The following KCNH1 variants were observed in gnomAD, a reference collection of about 807,000 sequenced individuals.
The protein encoded by KCNH1 is voltage-gated delayed rectifier potassium channel KCNH1.
A neutral mutation model predicts 69.2 loss-of-function variants in KCNH1; 27 were observed. The ratio of observed to expected loss-of-function variants is 0.39; its 90% CI spans 0.29 to 0.54. The LOEUF (loss-of-function observed/expected upper bound fraction) is 0.54, where lower values mean the gene tolerates loss of function less well. Among genes scored for constraint, KCNH1 ranks in the 20% least tolerant of loss-of-function variants. The pLI is 0.68. For synonymous variants in KCNH1, 456 were observed against 487.7 expected, an observed-to-expected ratio of 0.93 and a Z score of 0.86; for missense variants, 798 against 1,261.6, an observed-to-expected ratio of 0.63 and a Z score of 5.57.
chr1:210,798,201 A>G (rs6689950), intron 8 of KCNH1, among the ~76,000 whole-genome samples: 65,343 of 151,322 alleles, frequency 0.43, 14,472 homozygotes, highest in African/African-American at 0.51. Flanking sequence ...CACCACACCC[A>G]GCTAATTTTT....
chr1:210,789,149 A>G (rs1449160922), intron 9 of KCNH1, among the ~76,000 whole-genome samples: 2 of 152,176 alleles, frequency 1.3e-5, no homozygotes, highest in Non-Finnish European at 2.9e-5. Flanking sequence ...ATTATATGGC[A>G]AGTGGCAGCA....
At chr1:210,888,850 C>G (rs954060646) in intron 7 of KCNH1, among the ~76,000 whole-genome samples, 3 of 152,102 alleles carry the variant, frequency 2.0e-5, no homozygotes, top group Admixed American at 2.0e-4. Flanking sequence ...AAGACTAAAC[C>G]AGGAAGAAGT....
chr1:210,997,888 C>A (rs560836626), intron 6 of KCNH1, among the ~76,000 whole-genome samples: 25 of 152,220 alleles, frequency 1.6e-4, no homozygotes, highest in South Asian at 1.0e-3. Context: ...ATTTTCAGCG[C>A]AGAATTTCAT....
chr1:210,827,138 C>T (rs889778673), intron 7 of KCNH1, among the ~76,000 whole-genome samples: 1 of 152,146 alleles, frequency 6.6e-6, no homozygotes, highest in African/African-American at 2.4e-5. Flanking sequence ...GAGTTTCAGA[C>T]CATCCTGACC....
Position 210,953,050 on chromosome 1 carries a change from A to T in KCNH1, c.1033-32981T>A, listed in dbSNP as rs1208180534. 2.0e-5 allele frequency among the ~76,000 whole-genome samples: 3 copies of T among 152,260 alleles called. No individual in the cohort carries two copies. In the East Asian group the frequency reaches 5.8e-4, roughly 29 times the overall value. On this transcript the variant is annotated intron_variant, in intron 6 of 10. Coordinates refer to ENST00000271751, the MANE Select transcript of KCNH1 (RefSeq NM_172362.3). ...CAAAAGGTACCCCAGCTTTTATTTG[A>T]CCCAGATAATCAAAGCTATCAAATA...
chr1:210,774,587 T>G (rs142360611), intron 10 of KCNH1, among the ~76,000 whole-genome samples: 73 of 152,278 alleles, frequency 4.8e-4, no homozygotes, highest in African/African-American at 1.7e-3. Flanking sequence ...TGACAACCTT[T>G]CCATATGATT....
chr1:210,767,125 G>A (rs372419332), intron 10 of KCNH1, among the ~76,000 whole-genome samples: 18 of 152,316 alleles, frequency 1.2e-4, no homozygotes, highest in East Asian at 7.7e-4. Flanking sequence ...AGATGGGTTC[G>A]AAATGTAAAA....
chr1:210,950,490 T>C (rs1351334477), intron 6 of KCNH1, among the ~76,000 whole-genome samples: 1 of 150,390 alleles, frequency 6.6e-6, no homozygotes, highest in East Asian at 2.0e-4. Context: ...GTTCTTGCGA[T>C]AGTTTACTGA....
Position 210,683,352 on chromosome 1 carries a change from G to C in KCNH1, c.2899C>G (p.Pro967Ala). ...ILTSRRSSQS[P>A]QELFEISRPQ... The stretch of plus-strand genomic sequence containing the variant: ...CTCGATATTTCAAACAACTCCTGAG[G>C]AGACTGAGAGGATCTTCTGGAAGTT... The change falls in exon 11 of 11, where the codon CCT becomes GCT. Residue 967 changes from proline (P) to alanine (A), a missense_variant. Physicochemically the swap from Pro to Ala is conservative, Grantham distance 27. Around this residue, in one of 4 missense-constraint regions of KCNH1, gnomAD observed 331 missense variants for 363.2 expected, o/e 0.91. Transcript: ENST00000271751. The surrounding 1 kb of genome is among the most constrained non-coding windows in gnomAD (Gnocchi z 5.7). The C allele has an allele frequency of 6.2e-7, 1 of 1,614,098 alleles. No individual in the cohort carries two copies. The highest frequency in any genetic ancestry group is 1.1e-5 in the South Asian group (1 of 91,074).
intron 1 of KCNH1, among the ~76,000 whole-genome samples, chr1:211,115,075 G>C (rs143082789): frequency 6.6e-6 from 1 of 151,844 alleles, no homozygotes; most frequent in South Asian, 2.1e-4. Flanking sequence ...TTCAACCTCC[G>C]CCTCCCGGAT....
Position 210,683,314 on chromosome 1 carries a change from T to A in KCNH1, c.2937A>T (p.Pro979=), listed in dbSNP as rs1558420598. The A allele has an allele frequency of 1.2e-6, 2 of 1,614,100 alleles. No homozygotes were observed. The highest frequency in any genetic ancestry group is 2.2e-5 in the South Asian group (2 of 91,070). The stretch of plus-strand genomic sequence containing the variant: ...CTCCAAAAATGTCTCTCTCTGATTC[T>A]GGGGACTGTGGCCTCGATATTTCAA... ...ELFEISRPQS[P]ESERDIFGAS The change falls in exon 11 of 11, where the codon CCA becomes CCT. Residue 979 remains proline, a synonymous_variant. Transcript: ENST00000271751. This position sits in a 1 kb window ranked among gnomAD's most constrained non-coding sequence, Gnocchi z 5.7.
At chr1:210,762,912 C>T (rs1469992764) in intron 10 of KCNH1, among the ~76,000 whole-genome samples, 3 of 151,864 alleles carry the variant, frequency 2.0e-5, no homozygotes, top group Non-Finnish European at 4.4e-5. Context: ...CTGGCAAAGA[C>T]ACAACAAAAA....
At chr1:210,907,491 C>A (rs1396746339) in intron 7 of KCNH1, among the ~76,000 whole-genome samples, 1 of 151,114 alleles carries the variant, frequency 6.6e-6, no homozygotes, top group Non-Finnish European at 1.5e-5. Context: ...GTCTTCTGGC[C>A]CAAGCTCAAA....
At chr1:210,715,096 C>T (rs1682194336) in intron 10 of KCNH1, among the ~76,000 whole-genome samples, 2 of 152,154 alleles carry the variant, frequency 1.3e-5, no homozygotes, top group African/African-American at 2.4e-5. Flanking sequence ...CAATAGGGGG[C>T]CTGACAGCAG....
chr1:211,061,596 G>C (rs1203458574), intron 5 of KCNH1, among the ~76,000 whole-genome samples: 1 of 151,944 alleles, frequency 6.6e-6, no homozygotes. Flanking sequence ...AAAACTATTA[G>C]AACAGATAAA....
chr1:210,889,958 G>T (rs1052423087), intron 7 of KCNH1, among the ~76,000 whole-genome samples: 4 of 152,078 alleles, frequency 2.6e-5, no homozygotes, highest in African/African-American at 9.7e-5. Flanking sequence ...CATGAAAATG[G>T]CCATACTGCC....
chr1:211,056,237 G>A (rs1467051113), intron 5 of KCNH1, among the ~76,000 whole-genome samples: 1 of 152,196 alleles, frequency 6.6e-6, no homozygotes, highest in African/African-American at 2.4e-5. Context: ...AGAGCCCTTG[G>A]GACTTGAGTG....
chr1:210,849,879 T>A (rs1394701378), intron 7 of KCNH1, among the ~76,000 whole-genome samples: 1 of 151,954 alleles, frequency 6.6e-6, no homozygotes, highest in Non-Finnish European at 1.5e-5. Flanking sequence ...ATGGAGCACA[T>A]GGTAAACCAC....
rs76672976 is a variant in KCNH1 at position 210,898,146 on chromosome 1, T to G, written c.1462+21494A>C. Among the ~76,000 whole-genome samples, 638 of 152,360 alleles carry G rather than the reference T, an allele frequency of 4.2e-3. 8 individuals are homozygous for G. The highest frequency in any genetic ancestry group is 0.015 in the African/African-American group (614 of 41,592). On this transcript the variant is annotated intron_variant, in intron 7 of 10. Coordinates refer to ENST00000271751, the MANE Select transcript of KCNH1 (RefSeq NM_172362.3). The stretch of plus-strand genomic sequence containing the variant: ...TTAACAAAGACTTGGAAACCTTCTT[T>G]GTTAAACAGTAGTGTTTGTGGCAGG...
Sources: gnomAD v4.1 joint callset for allele counts (sites outside exome capture counted in the v4.1 genomes callset) on GRCh38, gnomAD v4.1.1 for gene constraint, gnomAD v4.1.1 regional missense constraint, Gnocchi (gnomAD v3.1) non-coding constraint, MANE v1.5 for transcripts, NCBI Gene and HGNC (gene_info 2026-07-23, HGNC 2026-07-21) for gene names.